Variants in PRKD1 observed in about 807,000 individuals in gnomAD.
The protein encoded by PRKD1 is protein kinase D1, also known as serine/threonine-protein kinase D1.
A neutral mutation model predicts 95.9 loss-of-function variants in PRKD1; 63 were observed. The ratio of observed to expected loss-of-function variants is 0.66; its 90% CI spans 0.54 to 0.81. The LOEUF is 0.81. PRKD1 is among the 30% of genes least tolerant of loss of function. The probability of loss-of-function intolerance (pLI) is 0.00; values close to 1 mark genes in which losing one functional copy is unlikely to be tolerated. For synonymous variants in PRKD1, 425 were observed against 423.1 expected (o/e 1.00, Z -0.05); for missense variants, 1,048 against 1,165.3 (o/e 0.90, Z 1.47).
chr14:29,589,620 A>C (rs1313170453), intron 16 of PRKD1, among the ~76,000 whole-genome samples: 2 of 151,944 alleles, frequency 1.3e-5, no homozygotes, highest in Non-Finnish European at 2.9e-5. Context: ...TTTACATATA[A>C]ATATTATATA....
intron 1 of PRKD1, among the ~76,000 whole-genome samples, chr14:29,913,102 T>C (rs1337650943): frequency 1.3e-5 from 2 of 152,234 alleles, no homozygotes; most frequent in Admixed American, 1.3e-4. Flanking sequence ...TAAATGTTAG[T>C]TGTCTTTTCA....
At chr14:29,769,861 T>C (rs148350840) in intron 1 of PRKD1, among the ~76,000 whole-genome samples, 9 of 152,230 alleles carry the variant, frequency 5.9e-5, no homozygotes, top group African/African-American at 1.4e-4. Flanking sequence ...GTATTATAAA[T>C]CATATACATT....
intron 1 of PRKD1, among the ~76,000 whole-genome samples, chr14:29,887,554 G>T (rs1170868823): frequency 6.6e-6 from 1 of 152,116 alleles, no homozygotes; most frequent in African/African-American, 2.4e-5. Context: ...ATAAAGTTTA[G>T]GTCCTTCCCT....
rs556566819 is a variant in PRKD1 at position 29,748,926 on chromosome 14, C to A, written c.265-23252G>T. Among the ~76,000 whole-genome samples the A allele has an allele frequency of 4.0e-5, 6 of 151,618 alleles. No homozygotes were observed. The South Asian group carries it at 1.3e-3, about 32-fold the overall frequency. On this transcript the variant is annotated intron_variant, in intron 1 of 17. Transcript: ENST00000331968. ...TGTTTTGTCATGAGATTCCAGTAAGCAAAAATAAAATTATAAAATTATATA... is the reference window on the plus strand; with the variant it reads ...TGTTTTGTCATGAGATTCCAGTAAGAAAAAATAAAATTATAAAATTATATA...
At chr14:29,848,806 C>T (rs1892184518) in intron 1 of PRKD1, among the ~76,000 whole-genome samples, 1 of 146,610 alleles carries the variant, frequency 6.8e-6, no homozygotes, top group Non-Finnish European at 1.6e-5. Flanking sequence ...CTTAAAGATG[C>T]TCAAAGAACT....
At chr14:29,798,393 T>A (rs929937577) in intron 1 of PRKD1, among the ~76,000 whole-genome samples, 1 of 152,192 alleles carries the variant, frequency 6.6e-6, no homozygotes, top group African/African-American at 2.4e-5. Flanking sequence ...TGGTTGGAGC[T>A]TCTAATTTGC....
At chr14:29,857,070 C>T (rs1892533947) in intron 1 of PRKD1, among the ~76,000 whole-genome samples, 2 of 152,218 alleles carry the variant, frequency 1.3e-5, no homozygotes, top group Admixed American at 1.3e-4. Context: ...AACCTCTCAC[C>T]TCCCTTGCCT....
intron 1 of PRKD1, among the ~76,000 whole-genome samples, chr14:29,914,981 C>T (rs150463556): frequency 0.016 from 2,492 of 152,130 alleles, 46 homozygotes; most frequent in Middle Eastern, 0.048. Context: ...ACCTCAGTCT[C>T]CCAAAGTGCT....
At chr14:29,904,800 C>G (rs1473303954) in intron 1 of PRKD1, among the ~76,000 whole-genome samples, 2 of 152,106 alleles carry the variant, frequency 1.3e-5, no homozygotes, top group African/African-American at 2.4e-5. Flanking sequence ...AACCTGAAAA[C>G]AACTTAATAT....
At chr14:29,578,193 T>C in intron 17 of PRKD1, 82 bp downstream of exon 17, 4 of 1,101,006 alleles carry the variant, frequency 3.6e-6, no homozygotes, top group South Asian at 1.5e-5. Context: ...TTAAAAATTA[T>C]TGCAAAAGAT....
chr14:29,658,069 T>C (rs550752478), intron 4 of PRKD1, among the ~76,000 whole-genome samples: 6 of 152,248 alleles, frequency 3.9e-5, no homozygotes, highest in African/African-American at 1.2e-4. Context: ...AGTTAGCTCT[T>C]TGGGAGAGGA....
intron 1 of PRKD1, among the ~76,000 whole-genome samples, chr14:29,791,477 T>C (rs1282412975): frequency 6.6e-6 from 1 of 152,158 alleles, no homozygotes; most frequent in Non-Finnish European, 1.5e-5. Context: ...ACTCTCTCCC[T>C]TAGCTGTTTC....
intron 1 of PRKD1, among the ~76,000 whole-genome samples, chr14:29,776,001 C>G (rs927706331): frequency 7.9e-5 from 12 of 152,164 alleles, no homozygotes; most frequent in South Asian, 4.1e-4. Context: ...ACTCGCTCTT[C>G]TGCAGCCTCC....
chr14:29,855,230 C>T (rs10130751), intron 1 of PRKD1, among the ~76,000 whole-genome samples: 18,658 of 152,118 alleles, frequency 0.12, 1,325 homozygotes, highest in East Asian at 0.25. Context: ...CACTCAATGT[C>T]GGCCCATGAA....
intron 16 of PRKD1, among the ~76,000 whole-genome samples, chr14:29,581,487 T>C (rs910826038): frequency 2.0e-5 from 3 of 152,086 alleles, no homozygotes; most frequent in Admixed American, 6.6e-5. Context: ...CAAAAGGCCA[T>C]GTAAGTTGGT....
intron 13 of PRKD1, among the ~76,000 whole-genome samples, chr14:29,608,241 T>C (rs1777315349): frequency 6.6e-6 from 1 of 152,082 alleles, no homozygotes; most frequent in Non-Finnish European, 1.5e-5. Flanking sequence ...TCATATTTTA[T>C]TGGAAATTGT....
chr14:29,589,670 T>C (rs1472183344), intron 16 of PRKD1, among the ~76,000 whole-genome samples: 2 of 152,054 alleles, frequency 1.3e-5, no homozygotes, highest in African/African-American at 4.8e-5. Flanking sequence ...AGACCATGCA[T>C]GGAAGAATTA....
At chr14:29,777,807 A>G (rs1001775706) in intron 1 of PRKD1, among the ~76,000 whole-genome samples, 1 of 152,210 alleles carries the variant, frequency 6.6e-6, no homozygotes, top group Non-Finnish European at 1.5e-5. Context: ...ATAGACATCT[A>G]CAGAACTCTC....
In PRKD1 at chr14:29,605,521, T is replaced by C. The variant is rs533982187; in HGVS notation, c.1906-5704A>G. The stretch of plus-strand genomic sequence containing the variant: ...TGTGAATATTCAGCTGTCAGGTAAC[T>C]TTTATTGACTCTCCCAGTCTGTCTT... On this transcript the variant is annotated intron_variant, in intron 13 of 17. Transcript: ENST00000331968. 8.8e-4 allele frequency among the ~76,000 whole-genome samples: 134 copies of C among 152,322 alleles called. 1 individual carries two copies. The highest frequency in any genetic ancestry group is 3.4e-3 in the Middle Eastern group (1 of 294).
Sources: allele counts gnomAD v4.1 joint callset (sites outside exome capture counted in the v4.1 genomes callset), GRCh38; gene constraint gnomAD v4.1.1; transcripts MANE v1.5; gene names NCBI Gene and HGNC (gene_info 2026-07-23, HGNC 2026-07-21).